EIF2B4: variants seen among roughly 807,000 people sequenced by gnomAD.
EIF2B4 encodes the protein eukaryotic translation initiation factor 2B subunit delta, also known as translation initiation factor eIF2B subunit delta.
A neutral mutation model predicts 66.7 loss-of-function variants in EIF2B4; 34 were observed. The observed-to-expected ratio is 0.51, with a 90% CI of 0.39 to 0.68. EIF2B4 has a LOEUF of 0.68. EIF2B4 is among the 30% of genes least tolerant of loss of function. The pLI, the probability that EIF2B4 is intolerant of heterozygous loss-of-function variation, is 0.00. For missense variants in EIF2B4, 618 were observed against 657.9 expected, an observed-to-expected ratio of 0.94 and a Z score of 0.66; for synonymous variants, 278 against 253.6, an observed-to-expected ratio of 1.10 and a Z score of -0.92.
intron 2 of EIF2B4, 25 bp from the exon 3 acceptor site, chr2:27,369,574 C>T: frequency 6.2e-7 from 1 of 1,614,026 alleles, no homozygotes; most frequent in Non-Finnish European, 8.5e-7. Context: ...TAGGATACTG[C>T]TCTTCCCCAA....
In EIF2B4 at chr2:27,369,461, C is replaced by T. The variant is rs781612114; in HGVS notation, c.164G>A (p.Gly55Glu). 2 of 1,613,910 alleles carry T rather than the reference C, an allele frequency of 1.2e-6. No individual in the cohort carries two copies. Among genetic ancestry groups the T allele is most frequent in the Admixed American group, 1.7e-5 (1 of 59,968 alleles). The change falls in exon 3 of 13, where the codon GGG (glycine) becomes GAG (glutamate). Residue 55 changes from glycine (G) to glutamate (E), a missense_variant. Coordinates refer to ENST00000347454, the MANE Select transcript of EIF2B4 (RefSeq NM_001034116.2). Reference sequence around the variant, plus strand: ...AGCAGAGCCAGTCTCTGGTTCTGCCCCCTTTTCTTCCTTCCGTTTCTTCTT... The same window carrying T: ...AGCAGAGCCAGTCTCTGGTTCTGCCTCCTTTTCTTCCTTCCGTTTCTTCTT... ...QQKKKRKEEK[G>E]AEPETGSAVS...
Position 27,368,467 on chromosome 2 carries a change from G to A in EIF2B4, c.499-4C>T, listed in dbSNP as rs776743727. On this transcript the variant is annotated splice_region_variant and splice_polypyrimidine_tract_variant and intron_variant, in intron 5 of 12. Coordinates refer to ENST00000347454, the MANE Select transcript of EIF2B4 (RefSeq NM_001034116.2). ...CATAATCCTTTCGTGTAGGAACCTT[G>A]ACAAAACAAGGGAACAGGACCAATG... 45 of 1,612,406 alleles carry A rather than the reference G, an allele frequency of 2.8e-5. 1 individual carries two copies. The South Asian group carries it at 4.4e-4, about 16-fold the overall frequency.
Position 27,368,057 on chromosome 2 carries a change from G to C in EIF2B4, c.673C>G (p.Arg225Gly). Residue 225 changes from arginine (R) to glycine (G), a missense_variant, in exon 7 of 13, where the codon CGG becomes GGG. By Grantham distance (125) the Arg-to-Gly change is moderately radical (BLOSUM62 -2). Around this residue, in one of 4 missense-constraint regions of EIF2B4, gnomAD observed 506 missense variants for 511.9 expected, o/e 0.99. Transcript: ENST00000347454. ...AAGGCACGAAGCAGGGCAATACACC[G>C]GGCATTGGAGCCACTGACCAGGCCC... is the stretch of plus-strand genomic sequence containing the variant. ...SQGLVSGSNA[R>G]CIALLRALQQ... is the part of the protein sequence containing the mutation. 1 of 1,596,036 alleles carries C rather than the reference G, an allele frequency of 6.3e-7. No individual in the cohort carries two copies. The highest frequency in any genetic ancestry group is 8.5e-7 in the Non-Finnish European group (1 of 1,171,104).
In EIF2B4 at chr2:27,368,399, C is replaced by G. The variant is rs1485154874; in HGVS notation, c.563G>C (p.Arg188Thr). The change falls in exon 6 of 13, where the codon AGA becomes ACA. Residue 188 changes from arginine to threonine, a missense_variant. By Grantham distance (71) the Arg-to-Thr change is moderately conservative. This residue lies in a region of EIF2B4 where 506 missense variants were observed against 511.9 expected (regional missense o/e 0.99). Transcript: ENST00000347454. ...CATAAACTGGGTCAGAGAGTTTTGT[C>G]TGCTGTACTGGGGTAGGTGAGAGAA... ...SLFSHLPQYS[R>T]QNSLTQFMSI... 6.2e-7 allele frequency: 1 copy of G among 1,614,066 alleles called. No individual in the cohort carries two copies.
Position 27,367,462 on chromosome 2 carries a change from C to T in EIF2B4, c.880G>A (p.Glu294Lys), listed in dbSNP as rs763088766. The change falls in exon 9 of 13, where the codon GAG becomes AAG. Residue 294 changes from glutamate (E) to lysine (K), a missense_variant. Physicochemically the swap from Glu to Lys is moderately conservative, Grantham distance 56. This residue lies in a region of EIF2B4 where 506 missense variants were observed against 511.9 expected (regional missense o/e 0.99). Transcript: ENST00000347454. ...ITSVGSSKRE[E>K]EAKSELRAAI... ...TTATTTCTCATACTCATCACCTCCT[C>T]TTCCCGCTTGGAACTGCCCACACTG... The T allele has an allele frequency of 6.9e-5, 112 of 1,614,020 alleles. No homozygotes were observed. The highest frequency in any genetic ancestry group is 9.2e-5 in the Non-Finnish European group (108 of 1,180,038).
At chr2:27,369,243 C>A in intron 3 of EIF2B4, 31 bp from the exon 4 acceptor site, 1 of 1,604,908 alleles carries the variant, frequency 6.2e-7, no homozygotes, top group Non-Finnish European at 8.5e-7. Context: ...AATGCCCAAG[C>A]TGCAGGCAGG....
chr2:27,369,498 T>C lies in EIF2B4; in HGVS notation c.127A>G (p.Lys43Glu), dbSNP rs1268783648. 2 of 1,614,162 alleles carry C rather than the reference T, an allele frequency of 1.2e-6. No individual in the cohort carries two copies. The highest frequency in any genetic ancestry group is 2.2e-5 in the South Asian group (2 of 91,084). Residue 43 changes from lysine to glutamate, a missense_variant, in exon 3 of 13, where the codon AAG becomes GAG. Transcript: ENST00000347454. The part of the protein sequence containing the change: ...KEEKLQLRKE[K>E]KQQKKKRKEE... ...TTCCGTTTCTTCTTCTGCTGTTTCT[T>C]TTCCTTCCGAAGCTGCAGCTTTTCT...
chr2:27,370,013 T>G lies in EIF2B4; in HGVS notation c.32-94A>C, dbSNP rs1224184550. 12 of 1,527,386 alleles carry G rather than the reference T, an allele frequency of 7.9e-6. No homozygotes were observed. In the East Asian group the frequency reaches 1.5e-4, roughly 19 times the overall value. The allele number at this position is 1,527,386 out of a possible 1,614,324, so 94.6% of individuals were successfully genotyped here. A position where few individuals can be genotyped will look rare whatever the true frequency, so the allele number is the denominator to read the frequency against. On this transcript the variant is annotated intron_variant, in intron 1 of 12. Transcript: ENST00000347454. ...GGCGCAGCCGGCTGCTGGGTTGGCATGACCACGGATCCGCCGGCAGGCGCG... is the reference window on the plus strand; with the variant it reads ...GGCGCAGCCGGCTGCTGGGTTGGCAGGACCACGGATCCGCCGGCAGGCGCG...
Position 27,364,802 on chromosome 2 carries a change from G to A in EIF2B4, c.1288C>T (p.His430Tyr). The A allele has an allele frequency of 1.2e-6, 2 of 1,614,198 alleles. No homozygotes were observed. Among genetic ancestry groups the A allele is most frequent in the Non-Finnish European group, 1.7e-6 (2 of 1,180,044 alleles). The part of the protein sequence containing the change: ...TAQLALVARA[H>Y]NVPVLVCCET... Reference sequence around the variant, plus strand: ...CAGCAAACCAGCACTGGTACATTATGGGCTCGAGCCACCAGGGCTAACTGT... The same window carrying A: ...CAGCAAACCAGCACTGGTACATTATAGGCTCGAGCCACCAGGGCTAACTGT... Residue 430 changes from histidine to tyrosine, a missense_variant, in exon 12 of 13, where the codon CAT becomes TAT. This residue lies in a region of EIF2B4 where 36 missense variants were observed against 65.5 expected (regional missense o/e 0.55). Transcript: ENST00000347454.
intron 11 of EIF2B4, chr2:27,366,115 TGC>T (rs1553394646): frequency 5.4e-5 from 6 of 111,008 alleles, no homozygotes; most frequent in South Asian, 2.9e-4. Flanking sequence ...TGTGTGTGTG[TGC>T]GTGCGCGCGC....
intron 11 of EIF2B4, 44 bp downstream of exon 11, chr2:27,366,715 A>G: frequency 6.2e-7 from 1 of 1,607,486 alleles, no homozygotes; most frequent in Non-Finnish European, 8.5e-7. Flanking sequence ...ATACTACTAC[A>G]CCTTTTCACC....
rs1682093889 is a variant in EIF2B4 at position 27,368,939 on chromosome 2, C to G, written c.418+67G>C. On this transcript the variant is annotated intron_variant, in intron 4 of 12. Coordinates refer to ENST00000347454, the MANE Select transcript of EIF2B4 (RefSeq NM_001034116.2). ...AGAATGAGAGGGGAGAGCTGTTTTA[C>G]TATTGGGCAGCCTGAGCTGGCGTTA... is the stretch of plus-strand genomic sequence containing the variant. 2.5e-6 allele frequency: 4 copies of G among 1,595,046 alleles called. No individual in the cohort carries two copies. In the Admixed American group the frequency reaches 5.0e-5, roughly 20 times the overall value.
Position 27,369,042 on chromosome 2 carries a change from T to TA in EIF2B4, c.381dup (p.Lys128Ter). 1 of 1,614,152 alleles carries TA rather than the reference T, an allele frequency of 6.2e-7. No individual in the cohort carries two copies. The highest frequency in any genetic ancestry group is 8.5e-7 in the Non-Finnish European group (1 of 1,180,026). ...TCTCCAGCTGTGCTGGGGCTGGCCT[T>TA]AGGAGGTGGTCCTCCTTGTTCCCCT... On this transcript the variant is annotated frameshift_variant, in exon 4 of 13. Coordinates refer to ENST00000347454, the MANE Select transcript of EIF2B4 (RefSeq NM_001034116.2). LOFTEE classifies it high-confidence loss of function.
Position 27,364,612 on chromosome 2 carries a change from G to T in EIF2B4, c.1373-13C>A, listed in dbSNP as rs1404571400. ...TCATCAGGGTCATCTGCAATGGAAG[G>T]CGTACCCATTATGTTCTTTCAGAAA... On this transcript the variant is annotated splice_polypyrimidine_tract_variant and intron_variant, in intron 12 of 12. Transcript: ENST00000347454. The T allele has an allele frequency of 1.2e-6, 2 of 1,614,102 alleles. No homozygotes were observed. Among genetic ancestry groups the T allele is most frequent in the Non-Finnish European group, 1.7e-6 (2 of 1,180,022 alleles).
chr2:27,370,273 T>C lies in EIF2B4; in HGVS notation c.31+11A>G. ...CCGCGTACCAGTAGGCAGGCCCGGC[T>C]CTTCACTCACCCTCGCGAACAGCCA... On this transcript the variant is annotated intron_variant, in intron 1 of 12. Coordinates refer to ENST00000347454, the MANE Select transcript of EIF2B4 (RefSeq NM_001034116.2). The C allele has an allele frequency of 6.5e-7, 1 of 1,549,474 alleles. No individual in the cohort carries two copies. Among genetic ancestry groups the C allele is most frequent in the Non-Finnish European group, 8.7e-7 (1 of 1,150,016 alleles).
intron 7 of EIF2B4, 52 bp downstream of exon 7, chr2:27,367,973 A>C (rs1681988375): frequency 6.6e-7 from 1 of 1,504,112 alleles, no homozygotes; most frequent in Admixed American, 1.9e-5. Context: ...AAGCTGGGGT[A>C]GTATTGGGGG....
At chr2:27,369,956 G>C (rs1426446591) in intron 1 of EIF2B4, 37 bp from the exon 2 acceptor site, 1 of 1,560,802 alleles carries the variant, frequency 6.4e-7, no homozygotes, top group East Asian at 2.4e-5. Context: ...GAGCCAGAGA[G>C]ACTCCGGGAG....
chr2:27,366,112 GTGTGCGTGCGC>G (rs1352084490), intron 11 of EIF2B4: 1 of 139,282 alleles, frequency 7.2e-6, no homozygotes, highest in East Asian at 2.2e-4. Flanking sequence ...GTGTGTGTGT[GTGTGCGTGCGC>G]GCGCGCACGC....
chr2:27,367,684 G>A (rs1166047134), intron 8 of EIF2B4, 62 bp downstream of exon 8: 3 of 1,589,288 alleles, frequency 1.9e-6, no homozygotes, highest in Middle Eastern at 1.7e-4. Flanking sequence ...TAGAAAAGCA[G>A]GAAAAAGAGT....
Sources: allele counts gnomAD v4.1 joint callset, GRCh38; gene constraint gnomAD v4.1.1; regional missense constraint gnomAD v4.1.1; transcripts MANE v1.5; gene names NCBI Gene and HGNC (gene_info 2026-07-23, HGNC 2026-07-21).